Variants in DNAI1 observed in about 807,000 individuals in gnomAD.
DNAI1 encodes the protein dynein axonemal intermediate chain 1, also known as dynein, axonemal, intermediate polypeptide 1.
DNAI1 carries 67 observed loss-of-function variants against 92.0 expected under a neutral mutation model. The observed-to-expected ratio is 0.73, with a 90% confidence interval of 0.60 to 0.89. The LOEUF is 0.89. Among genes scored for constraint, DNAI1 ranks in the 40% least tolerant of loss-of-function variants. The pLI is 0.00. For missense variants in DNAI1, 839 were observed against 866.6 expected (o/e 0.97, Z 0.40); for synonymous variants, 323 against 319.6 (o/e 1.01, Z -0.11).
chr9:34,460,011 A>C (rs1823916521), intron 1 of DNAI1, among the ~76,000 whole-genome samples: 1 of 152,114 alleles, frequency 6.6e-6, no homozygotes, highest in Non-Finnish European at 1.5e-5. Flanking sequence ...CTCTGCCCCA[A>C]CTATTTCTAG....
chr9:34,511,885 T>C (rs1189417087), intron 13 of DNAI1, among the ~76,000 whole-genome samples: 1 of 152,098 alleles, frequency 6.6e-6, no homozygotes, highest in Non-Finnish European at 1.5e-5. Flanking sequence ...CTGGCACTAT[T>C]GCTCCAGGAT....
intron 12 of DNAI1, 148 bp downstream of exon 12, chr9:34,501,329 T>C (rs1824827301): frequency 1.4e-6 from 1 of 734,098 alleles, no homozygotes; most frequent in Non-Finnish European, 2.5e-6. Context: ...CCCACAATCC[T>C]ACTGGCAATT....
chr9:34,491,282 C>A, intron 7 of DNAI1: 1 of 630,568 alleles, frequency 1.6e-6, no homozygotes, highest in Non-Finnish European at 2.8e-6. Context: ...TGCTTTCTAG[C>A]TTATACTTCT....
At chr9:34,480,714 C>A (rs572578493) in intron 1 of DNAI1, among the ~76,000 whole-genome samples, 1 of 152,130 alleles carries the variant, frequency 6.6e-6, no homozygotes, top group South Asian at 2.1e-4. Context: ...GAGGCTGAAG[C>A]GGGTGGATCA....
At chr9:34,520,578 C>T (rs917725753) in intron 19 of DNAI1, 80 bp from the exon 20 acceptor site, 44 of 1,313,428 alleles carry the variant, frequency 3.4e-5, no homozygotes, top group Non-Finnish European at 3.2e-6. Context: ...GCTGGACAGG[C>T]TGGGCAGAGG....
intron 1 of DNAI1, among the ~76,000 whole-genome samples, chr9:34,480,438 C>T (rs556924977): frequency 1.5e-4 from 23 of 151,704 alleles, no homozygotes; most frequent in Admixed American, 9.8e-4. Flanking sequence ...CCACCACACC[C>T]GGCTAATTTT....
At position 34,512,357 on chromosome 9, in the gene DNAI1, T is replaced by C. The variant is rs201345286; in HGVS notation, c.1422T>C (p.Asp474=). ...TLVKRKLVHI[D]VIKLKVEGST... ...TACAGAGAAAGCTGGTTCACATAGA[T>C]GTCATCAAGCTGAAGGTGGAAGGCA... is the stretch of plus-strand genomic sequence containing the variant. The change falls in exon 15 of 20, where the codon GAT becomes GAC. Residue 474 remains aspartate (D), a synonymous_variant. Coordinates refer to ENST00000242317, the MANE Select transcript of DNAI1 (RefSeq NM_012144.4). The C allele has an allele frequency of 2.5e-6, 4 of 1,613,996 alleles. No individual in the cohort carries two copies. The highest frequency in any genetic ancestry group is 2.2e-5 in the East Asian group (1 of 44,854).
chr9:34,489,144 C>G, intron 4 of DNAI1, 179 bp from the exon 5 acceptor site: 1 of 684,458 alleles, frequency 1.5e-6, no homozygotes, highest in Non-Finnish European at 2.5e-6. Flanking sequence ...TTTGTCTTCT[C>G]TTCCTTTTCT....
Position 34,512,323 on chromosome 9 carries a change from G to C in DNAI1, c.1402-14G>C, listed in dbSNP as rs939621836. ...CGTGCCCTCCCCCCCACATCCCTCT[G>C]TCTGTGGCTACAGAGAAAGCTGGTT... On this transcript the variant is annotated splice_polypyrimidine_tract_variant and intron_variant, in intron 14 of 19. Coordinates refer to ENST00000242317, the MANE Select transcript of DNAI1 (RefSeq NM_012144.4). The C allele has an allele frequency of 6.2e-6, 10 of 1,614,116 alleles. No individual in the cohort carries two copies. The highest frequency in any genetic ancestry group is 1.3e-5 in the African/African-American group (1 of 75,026).
Position 34,514,828 on chromosome 9 carries a change from G to A in DNAI1, c.1818+89G>A, listed in dbSNP as rs886144576. ...CTTCCTGATGGAGAACCCATCCCATGCCTAGGTCAGGAAGGAGAAGGCGGG... is the reference window on the plus strand; with the variant it reads ...CTTCCTGATGGAGAACCCATCCCATACCTAGGTCAGGAAGGAGAAGGCGGG... On this transcript the variant is annotated intron_variant, in intron 18 of 19. Transcript: ENST00000242317. The A allele has an allele frequency of 5.7e-6, 8 of 1,397,406 alleles. No individual in the cohort carries two copies. The African/African-American group carries it at 1.1e-4, about 20-fold the overall frequency. 86.6% of individuals were successfully genotyped at this position (1,397,406 alleles called of 1,614,324 possible).
chr9:34,492,493 G>GATACATATATATATATAT (rs1554688186), intron 8 of DNAI1, among the ~76,000 whole-genome samples: 1 of 68,268 alleles, frequency 1.5e-5, no homozygotes, highest in Non-Finnish European at 3.1e-5. Flanking sequence ...GGGATATGAA[G>GATACATATATATATATAT]ATATATATAT....
chr9:34,491,687 T>G lies in DNAI1; in HGVS notation c.681+133T>G. On this transcript the variant is annotated intron_variant, in intron 8 of 19. Transcript: ENST00000242317. ...CCTCCTCATCTACTTGCCTCCCTGC[T>G]CACTGTCCTGAGCATCCAGGCTCTG... is the stretch of plus-strand genomic sequence containing the variant. 5 of 958,192 alleles carry G rather than the reference T, an allele frequency of 5.2e-6. No individual in the cohort carries two copies. In the South Asian group the frequency reaches 6.9e-5, roughly 13 times the overall value. 59.4% of individuals were successfully genotyped at this position (958,192 alleles called of 1,614,324 possible). A position where few individuals can be genotyped will look rare whatever the true frequency, so the allele number is the denominator to read the frequency against.
At chr9:34,512,701 C>G (rs1037984586) in intron 15 of DNAI1, among the ~76,000 whole-genome samples, 1 of 152,210 alleles carries the variant, frequency 6.6e-6, no homozygotes, top group Non-Finnish European at 1.5e-5. Context: ...TTATGCAGAT[C>G]AGGCCCCTGT....
intron 10 of DNAI1, among the ~76,000 whole-genome samples, chr9:34,499,505 G>A (rs1824785638): frequency 6.6e-6 from 1 of 152,114 alleles, no homozygotes; most frequent in Non-Finnish European, 1.5e-5. Context: ...GAATATATGT[G>A]TGTCCTGCTC....
rs540606169 is a variant in DNAI1 at position 34,474,662 on chromosome 9, G to A, written c.49-8786G>A. 7.7e-5 allele frequency among the ~76,000 whole-genome samples: 11 copies of A among 143,498 alleles called. No individual in the cohort carries two copies. The South Asian group carries it at 9.0e-4, about 12-fold the overall frequency. 94.1% of individuals were successfully genotyped at this position (143,498 alleles called of 152,430 possible). ...CGGCTCACTGCAACCTCCGCCTCCC[G>A]GGTTCAAGTGATTCTCCTGCCTCAG... On this transcript the variant is annotated intron_variant, in intron 1 of 19. Transcript: ENST00000242317.
chr9:34,495,035 G>C (rs1824691479), intron 9 of DNAI1, among the ~76,000 whole-genome samples: 1 of 152,198 alleles, frequency 6.6e-6, no homozygotes, highest in Non-Finnish European at 1.5e-5. Flanking sequence ...GGGGAGAAAA[G>C]ATAAAAACTT....
chr9:34,461,007 A>AT (rs968867972), intron 1 of DNAI1, among the ~76,000 whole-genome samples: 5 of 151,944 alleles, frequency 3.3e-5, no homozygotes, highest in Admixed American at 2.0e-4. Context: ...CGCCCAGCTA[A>AT]TTTTTTTGTA....
In DNAI1 at chr9:34,493,250, G is replaced by T; in HGVS notation, c.738G>T (p.Glu246Asp). ...EELEKQEKTK[E>D]KEKAKTPVAK... ...TTGAGAAGCAGGAAAAGACCAAAGA[G>T]AAGGAGAAGGCAAAGACCCCAGTGG... The change falls in exon 9 of 20, where the codon GAG becomes GAT. Residue 246 changes from glutamate (E) to aspartate (D), a missense_variant. Physicochemically the swap from Glu to Asp is conservative, Grantham distance 45. Transcript: ENST00000242317. 1.2e-6 allele frequency: 2 copies of T among 1,614,210 alleles called. No individual in the cohort carries two copies. Among genetic ancestry groups the T allele is most frequent in the Non-Finnish European group, 1.7e-6 (2 of 1,180,034 alleles).
chr9:34,506,799 C>T lies in DNAI1; in HGVS notation c.1236C>T (p.Asn412=). Residue 412 remains asparagine (N), a synonymous_variant, in exon 13 of 20, where the codon AAC becomes AAT. Coordinates refer to ENST00000242317, the MANE Select transcript of DNAI1 (RefSeq NM_012144.4). ...ATGACGGCAACGTGGCCATTTACAA[C>T]CTCAAGAAGCCCCACTCCCAGCCCT... ...GHYDGNVAIY[N]LKKPHSQPSF... 1 of 1,614,170 alleles carries T rather than the reference C, an allele frequency of 6.2e-7. No individual in the cohort carries two copies. The highest frequency in any genetic ancestry group is 8.5e-7 in the Non-Finnish European group (1 of 1,180,040).
Sources: gnomAD v4.1 joint callset for allele counts (sites outside exome capture counted in the v4.1 genomes callset) on GRCh38, gnomAD v4.1.1 for gene constraint, MANE v1.5 for transcripts, NCBI Gene and HGNC (gene_info 2026-07-23, HGNC 2026-07-21) for gene names.